Variants in SYNPR observed in about 807,000 individuals in gnomAD.
SYNPR encodes the protein synaptoporin.
In SYNPR, 23 loss-of-function variants were observed where a neutral mutation model predicts 32.9. The observed-to-expected ratio is 0.70, with a 90% CI of 0.50 to 0.99. The LOEUF is 0.99. SYNPR is among the 50% of genes least tolerant of loss of function. The probability of loss-of-function intolerance (pLI) is 0.00; values close to 1 mark genes in which losing one functional copy is unlikely to be tolerated. For missense variants in SYNPR, 318 were observed against 349.3 expected, an observed-to-expected ratio of 0.91 and a Z score of 0.71; for synonymous variants, 146 against 135.9, an observed-to-expected ratio of 1.07 and a Z score of -0.52.
intron 2 of SYNPR, chr3:63,452,024 T>C (rs755833603): frequency 4.7e-5 from 33 of 698,986 alleles, no homozygotes; most frequent in Non-Finnish European, 7.8e-5. Context: ...CCAGACCAGT[T>C]CCCTGATATA....
intron 3 of SYNPR, among the ~76,000 whole-genome samples, chr3:63,529,334 G>A (rs922496643): frequency 4.6e-5 from 7 of 152,128 alleles, no homozygotes; most frequent in South Asian, 2.1e-4. Context: ...TAATGTATTG[G>A]GTTTTTTATT....
Position 63,615,389 on chromosome 3 carries a change from A to C in SYNPR, c.766A>C (p.Ser256Arg), listed in dbSNP as rs192674665. The C allele has an allele frequency of 2.9e-4, 470 of 1,613,990 alleles. 1 individual carries two copies. The African/African-American group carries it at 3.5e-3, about 12-fold the overall frequency. Residue 256 changes from serine (S) to arginine (R), a missense_variant, in exon 6 of 6, where the codon AGT becomes CGT. Ser to Arg is a moderately radical substitution (Grantham distance 110). Coordinates refer to ENST00000478300, the MANE Select transcript of SYNPR (RefSeq NM_001130003.2). ...GYNQDSYGSS[S>R]GYSQQASLGP... ...CAACCAAGACAGCTATGGATCAAGC[A>C]GTGGGTACAGTCAGCAGGCGAGTTT...
chr3:63,201,728 A>T, the SYNPR span, among the ~76,000 whole-genome samples: 4,875 of 152,252 alleles, frequency 0.032, 148 homozygotes, highest in East Asian at 0.1. Flanking sequence ...TTTAAAAGAA[A>T]AAAAATTACA....
chr3:63,485,537 C>T (rs1363600558), intron 3 of SYNPR, among the ~76,000 whole-genome samples: 11 of 152,166 alleles, frequency 7.2e-5, no homozygotes, highest in African/African-American at 1.2e-4. Context: ...GAAAGTGTGT[C>T]GAGCTGTGGG....
At chr3:63,584,249 C>G (rs1478886561) in intron 4 of SYNPR, among the ~76,000 whole-genome samples, 3 of 151,996 alleles carry the variant, frequency 2.0e-5, no homozygotes, top group Admixed American at 6.6e-5. Flanking sequence ...GTGAGAAAAC[C>G]TCTTTCAGCC....
chr3:63,390,848 T>C (rs2088123400), intron 2 of SYNPR, among the ~76,000 whole-genome samples: 1 of 152,170 alleles, frequency 6.6e-6, no homozygotes, highest in Non-Finnish European at 1.5e-5. Flanking sequence ...CCTGTATTCA[T>C]TGCACCTTCA....
chr3:63,274,023 G>C (rs2086556129), upstream of SYNPR, among the ~76,000 whole-genome samples: 1 of 152,132 alleles, frequency 6.6e-6, no homozygotes, highest in Non-Finnish European at 1.5e-5. Context: ...ATTGGCCTTT[G>C]CTTTCATATT....
intron 2 of SYNPR, among the ~76,000 whole-genome samples, chr3:63,394,591 A>G (rs1425612506): frequency 6.6e-6 from 1 of 152,148 alleles, no homozygotes; most frequent in Non-Finnish European, 1.5e-5. Context: ...ATAGCTCTCA[A>G]CTTTTCTAGA....
chr3:63,203,955 C>T, the SYNPR span, among the ~76,000 whole-genome samples: 117 of 152,140 alleles, frequency 7.7e-4, no homozygotes, highest in Non-Finnish European at 1.6e-3. Flanking sequence ...GCCAAGATGG[C>T]GCCATGGCAT....
intron 2 of SYNPR, among the ~76,000 whole-genome samples, chr3:63,355,685 C>T (rs1215705708): frequency 6.6e-6 from 1 of 151,654 alleles, no homozygotes; most frequent in African/African-American, 2.4e-5. Flanking sequence ...CCGTCACCTC[C>T]CAGTGCTTCA....
Position 63,483,264 on chromosome 3 carries a change from G to T in SYNPR, c.209+2308G>T, listed in dbSNP as rs553103707. On this transcript the variant is annotated intron_variant, in intron 3 of 5. Coordinates refer to ENST00000478300, the MANE Select transcript of SYNPR (RefSeq NM_001130003.2). ...TCAGCAGGAAGCAGGCTCAGTGAAT[G>T]ATTTACATATGTCCTAGGCAGAAGT... Among the ~76,000 whole-genome samples, 18 of 152,282 alleles carry T rather than the reference G, an allele frequency of 1.2e-4. No individual in the cohort carries two copies. The Middle Eastern group carries it at 0.014, about 115-fold the overall frequency.
intron 2 of SYNPR, among the ~76,000 whole-genome samples, chr3:63,477,743 T>C (rs935787): frequency 0.42 from 63,284 of 152,088 alleles, 13,179 homozygotes; most frequent in East Asian, 0.49. Flanking sequence ...GTCCATCTGC[T>C]AGATATTCAT....
chr3:63,460,847 G>A (rs928451896), intron 2 of SYNPR, among the ~76,000 whole-genome samples: 1 of 152,028 alleles, frequency 6.6e-6, no homozygotes, highest in African/African-American at 2.4e-5. Flanking sequence ...ATGTTTGGGG[G>A]CAAGGCTGGA....
At chr3:63,323,840 A>G (rs2087136974) in intron 2 of SYNPR, among the ~76,000 whole-genome samples, 1 of 152,138 alleles carries the variant, frequency 6.6e-6, no homozygotes, top group Non-Finnish European at 1.5e-5. Flanking sequence ...TGTTTTTCAC[A>G]TGCATTCTCT....
At chr3:63,242,304 C>G (rs2086255030) in intron 1 of SYNPR, among the ~76,000 whole-genome samples, 1 of 151,892 alleles carries the variant, frequency 6.6e-6, no homozygotes, top group Non-Finnish European at 1.5e-5. Context: ...CATGCCTGTA[C>G]CGAGAGGGTA....
At chr3:63,426,785 G>C (rs1193367821) in intron 2 of SYNPR, 3 of 151,746 alleles carry the variant, frequency 2.0e-5, no homozygotes, top group African/African-American at 4.8e-5. Context: ...TCTTCAAGCT[G>C]TTGTGCCTAT....
chr3:63,449,744 C>T (rs1483914093), intron 2 of SYNPR, among the ~76,000 whole-genome samples: 1 of 152,182 alleles, frequency 6.6e-6, no homozygotes, highest in Admixed American at 6.5e-5. Flanking sequence ...ACAAGTAAGG[C>T]ATCTCTAAGT....
intron 3 of SYNPR, among the ~76,000 whole-genome samples, chr3:63,553,871 G>A (rs758584356): frequency 9.9e-5 from 15 of 152,148 alleles, no homozygotes; most frequent in Admixed American, 2.0e-4. Context: ...ACAGGCATGC[G>A]CCACCATGCC....
chr3:63,496,616 G>A (rs1370492747), intron 3 of SYNPR, among the ~76,000 whole-genome samples: 1 of 152,150 alleles, frequency 6.6e-6, no homozygotes, highest in East Asian at 1.9e-4. Context: ...AGATATGAAA[G>A]TGCCTGTTTC....
Sources: gnomAD v4.1 joint callset for allele counts (sites outside exome capture counted in the v4.1 genomes callset) on GRCh38, gnomAD v4.1.1 for gene constraint, MANE v1.5 for transcripts, NCBI Gene and HGNC (gene_info 2026-07-23, HGNC 2026-07-21) for gene names.